The following HS6ST2 variants were observed in gnomAD, a reference collection of about 807,000 sequenced individuals.
HS6ST2 encodes heparan-sulfate 6-O-sulfotransferase 2.
A neutral mutation model predicts 33.0 loss-of-function variants in HS6ST2; 17 were observed. The ratio of observed to expected loss-of-function variants is 0.52; its 90% confidence interval spans 0.35 to 0.77. The LOEUF (loss-of-function observed/expected upper bound fraction) is 0.77, where lower values mean the gene tolerates loss of function less well. HS6ST2 is among the 30% of genes least tolerant of loss of function. HS6ST2 has a pLI of 0.01. For missense variants in HS6ST2, 519 were observed against 551.7 expected, an observed-to-expected ratio of 0.94 and a Z score of 0.59; for synonymous variants, 248 against 237.1, an observed-to-expected ratio of 1.05 and a Z score of -0.42.
At position 132,807,492 on chromosome X, in the gene HS6ST2, G is replaced by GGGA. The variant is rs1266100023; in HGVS notation, c.948-99001_948-98999dup. Among the ~76,000 whole-genome samples the GGGA allele has an allele frequency of 2.9e-5, 3 of 104,215 alleles. No individual in the cohort carries two copies. The Admixed American group carries it at 3.0e-4, about 10-fold the overall frequency. The allele number at this position is 104,215 out of a possible 115,157, so 90.5% of individuals were successfully genotyped here. ...AGGGAGATTAGTGCTGTCAGGGTAG[G>GGGA]GGAGGAGGAGGAAGTGGACAGTGCC... On this transcript the variant is annotated intron_variant, in intron 2 of 4. Coordinates refer to ENST00000370833, the MANE Select transcript of HS6ST2 (RefSeq NM_001394073.1).
At chrX:132,657,820 G>T (rs1225708526) in intron 4 of HS6ST2, among the ~76,000 whole-genome samples, 2 of 106,378 alleles carry the variant, frequency 1.9e-5, no homozygotes, top group Non-Finnish European at 3.9e-5. Context: ...ACCAACCTAA[G>T]ATTTTTCTGA....
chrX:132,902,102 ATT>A (rs772438138), intron 2 of HS6ST2, among the ~76,000 whole-genome samples: 17 of 95,866 alleles, frequency 1.8e-4, no homozygotes, highest in African/African-American at 2.7e-4. Flanking sequence ...CATATCACTC[ATT>A]TTTTTTTTTT....
At chrX:132,681,897 G>A (rs997685659) in intron 3 of HS6ST2, among the ~76,000 whole-genome samples, 2 of 112,452 alleles carry the variant, frequency 1.8e-5, no homozygotes, top group East Asian at 2.8e-4. Flanking sequence ...AGATGTCACT[G>A]TCTGGAGGCA....
At chrX:132,703,488 G>T (rs917839055) in intron 3 of HS6ST2, among the ~76,000 whole-genome samples, 5 of 112,417 alleles carry the variant, frequency 4.4e-5, no homozygotes, top group African/African-American at 1.6e-4. Context: ...TGAGAAGGTA[G>T]AGAATGGGAC....
chrX:132,722,476 A>T (rs1012885217), intron 2 of HS6ST2, among the ~76,000 whole-genome samples: 1 of 111,950 alleles, frequency 8.9e-6, no homozygotes, highest in Non-Finnish European at 1.9e-5. Flanking sequence ...ATATGCATTA[A>T]AAAAGGGATC....
intron 2 of HS6ST2, among the ~76,000 whole-genome samples, chrX:132,753,728 C>T (rs1022674620): frequency 8.9e-6 from 1 of 111,913 alleles, no homozygotes; most frequent in Non-Finnish European, 1.9e-5. Flanking sequence ...TCCAGTGCTA[C>T]AAATGTATTT....
chrX:132,906,715 A>T (rs1361500401), intron 2 of HS6ST2, among the ~76,000 whole-genome samples: 2 of 110,108 alleles, frequency 1.8e-5, no homozygotes, highest in Non-Finnish European at 3.8e-5. Flanking sequence ...ATGGAGTCTC[A>T]CTCTGTTGCC....
At chrX:132,767,912 C>T (rs58823211) in intron 2 of HS6ST2, among the ~76,000 whole-genome samples, 33,616 of 110,446 alleles carry the variant, frequency 0.3, 4,032 homozygotes, top group Non-Finnish European at 0.35. Flanking sequence ...CAAAACAACA[C>T]CTGGCTCAAC....
chrX:132,812,443 ATAAAAT>A (rs974091555), intron 2 of HS6ST2, among the ~76,000 whole-genome samples: 1 of 104,406 alleles, frequency 9.6e-6, no homozygotes, highest in African/African-American at 3.5e-5. Flanking sequence ...AATAATAATA[ATAAAAT>A]AATAATAATA....
At chrX:132,664,491 G>A (rs764447786) in intron 4 of HS6ST2, among the ~76,000 whole-genome samples, 18 of 111,775 alleles carry the variant, frequency 1.6e-4, no homozygotes, top group South Asian at 3.8e-4. Flanking sequence ...GGTTAGAGCC[G>A]GTCTTACCAG....
At chrX:132,670,363 C>T (rs901191421) in intron 3 of HS6ST2, among the ~76,000 whole-genome samples, 5 of 111,483 alleles carry the variant, frequency 4.5e-5, no homozygotes, top group Admixed American at 9.6e-5. Flanking sequence ...CACCCATCAG[C>T]TTCAAATGAC....
intron 2 of HS6ST2, among the ~76,000 whole-genome samples, chrX:132,746,242 G>A (rs1475302981): frequency 3.6e-5 from 4 of 111,381 alleles, no homozygotes; most frequent in East Asian, 2.8e-4. Flanking sequence ...GGCCGGGCAC[G>A]GTGTAATCCC....
intron 2 of HS6ST2, among the ~76,000 whole-genome samples, chrX:132,715,555 T>C (rs1266795127): frequency 8.9e-6 from 1 of 112,525 alleles, no homozygotes; most frequent in Non-Finnish European, 1.9e-5. Context: ...CCTGAGACTT[T>C]GAGAGGGCAG....
intron 2 of HS6ST2, among the ~76,000 whole-genome samples, chrX:132,840,531 CT>C (rs1338725352): frequency 1.8e-5 from 2 of 110,736 alleles, no homozygotes; most frequent in African/African-American, 6.6e-5. Flanking sequence ...TTTTAAAAGC[CT>C]GTATATTGCA....
intron 2 of HS6ST2, among the ~76,000 whole-genome samples, chrX:132,850,764 C>CA (rs1384077771): frequency 9.3e-6 from 1 of 107,293 alleles, no homozygotes; most frequent in African/African-American, 3.4e-5. Flanking sequence ...CCACATCATA[C>CA]ACACTGATGT....
chrX:132,829,015 A>C (rs984699092), intron 2 of HS6ST2, among the ~76,000 whole-genome samples: 1 of 103,343 alleles, frequency 9.7e-6, no homozygotes, highest in African/African-American at 3.5e-5. Context: ...ATGATGACAT[A>C]ATAGTCTATC....
intron 4 of HS6ST2, among the ~76,000 whole-genome samples, chrX:132,637,758 A>ATG (rs1430659218): frequency 1.3e-4 from 10 of 77,489 alleles, no homozygotes; most frequent in African/African-American, 4.4e-4. Flanking sequence ...ATATATATAT[A>ATG]AAATATTATA....
chrX:132,688,028 C>T (rs1402149961), intron 3 of HS6ST2, among the ~76,000 whole-genome samples: 2 of 112,574 alleles, frequency 1.8e-5, no homozygotes, highest in Non-Finnish European at 1.9e-5. Context: ...GGATTACAGG[C>T]GTGAGCCACC....
chrX:132,785,768 C>T (rs965453092), intron 2 of HS6ST2, among the ~76,000 whole-genome samples: 1 of 111,811 alleles, frequency 8.9e-6, no homozygotes, highest in Non-Finnish European at 1.9e-5. Flanking sequence ...ATTCCAAAAA[C>T]GTGGGGACAG....
Sources: gnomAD v4.1 joint callset for allele counts (sites outside exome capture counted in the v4.1 genomes callset) on GRCh38, gnomAD v4.1.1 for gene constraint, MANE v1.5 for transcripts, NCBI Gene and HGNC (gene_info 2026-07-23, HGNC 2026-07-21) for gene names.